MLLT3: variants seen among roughly 807,000 people sequenced by gnomAD.
MLLT3 encodes the protein MLLT3 super elongation complex subunit.
A neutral mutation model predicts 53.2 loss-of-function variants in MLLT3; 4 were observed. The observed-to-expected ratio is 0.08, with a 90% CI of 0.04 to 0.17. The LOEUF (loss-of-function observed/expected upper bound fraction) is 0.17. Ranked by LOEUF, MLLT3 falls within the 10% of genes least tolerant of loss-of-function variation. The pLI is 1.00. For synonymous variants in MLLT3, 283 were observed against 230.6 expected, an observed-to-expected ratio of 1.23 and a Z score of -2.06; for missense variants, 569 against 684.0, an observed-to-expected ratio of 0.83 and a Z score of 1.87.
At chr9:20,411,615 G>A (rs1563955388) in intron 5 of MLLT3, among the ~76,000 whole-genome samples, 1 of 152,124 alleles carries the variant, frequency 6.6e-6, no homozygotes, top group Non-Finnish European at 1.5e-5. Context: ...GCTCTAATAT[G>A]TCATATACCA....
At chr9:20,393,604 T>C (rs1822245552) in intron 5 of MLLT3, among the ~76,000 whole-genome samples, 1 of 152,184 alleles carries the variant, frequency 6.6e-6, no homozygotes, top group Admixed American at 6.5e-5. Context: ...TATGAAAAGG[T>C]CAGTGCCTGA....
At chr9:20,432,642 G>A (rs1311302805) in intron 4 of MLLT3, among the ~76,000 whole-genome samples, 1 of 145,690 alleles carries the variant, frequency 6.9e-6, no homozygotes, top group Non-Finnish European at 1.5e-5. Context: ...CACCAAGGCT[G>A]GAAAAAAAAT....
At chr9:20,469,379 T>C (rs1824316518) in intron 2 of MLLT3, among the ~76,000 whole-genome samples, 1 of 152,218 alleles carries the variant, frequency 6.6e-6, no homozygotes, top group Non-Finnish European at 1.5e-5. Flanking sequence ...TTGAATGTTA[T>C]GATTTTTCTA....
rs910954154 is a variant in MLLT3 at position 20,446,970 on chromosome 9, A to G, written c.420+1153T>C. Among the ~76,000 whole-genome samples the G allele has an allele frequency of 1.1e-4, 16 of 152,196 alleles. 1 individual carries two copies. Among genetic ancestry groups the G allele is most frequent in the African/African-American group, 3.9e-4 (16 of 41,452 alleles). The stretch of plus-strand genomic sequence containing the variant: ...ACATATATATGATAAGGAATGAAAT[A>G]TGGTAAAAGTACTTGCAATGCTTCA... On this transcript the variant is annotated intron_variant, in intron 4 of 10. Coordinates refer to ENST00000380338, the MANE Select transcript of MLLT3 (RefSeq NM_004529.4).
chr9:20,590,538 GTC>G (rs918390616), intron 2 of MLLT3, among the ~76,000 whole-genome samples: 4 of 152,052 alleles, frequency 2.6e-5, no homozygotes, highest in Admixed American at 2.6e-4. Context: ...TTGTCTGTCT[GTC>G]TCTCTCTCTG....
At chr9:20,422,587 CAA>C (rs1413229496) in intron 4 of MLLT3, among the ~76,000 whole-genome samples, 2 of 152,090 alleles carry the variant, frequency 1.3e-5, no homozygotes, top group Non-Finnish European at 2.9e-5. Context: ...CATGAAAGAG[CAA>C]AAGATGATGC....
chr9:20,372,106 T>G (rs1001261144), intron 5 of MLLT3, among the ~76,000 whole-genome samples: 7 of 152,204 alleles, frequency 4.6e-5, no homozygotes, highest in African/African-American at 1.7e-4. Context: ...ACTGAATTTT[T>G]GCAATCTCAT....
chr9:20,423,413 T>A (rs533890822), intron 4 of MLLT3, among the ~76,000 whole-genome samples: 1 of 152,046 alleles, frequency 6.6e-6, no homozygotes, highest in African/African-American at 2.4e-5. Context: ...GTAGAGGGGG[T>A]AAAATATTAT....
chr9:20,471,082 C>T (rs1824379276), intron 2 of MLLT3, among the ~76,000 whole-genome samples: 1 of 151,894 alleles, frequency 6.6e-6, no homozygotes, highest in Admixed American at 6.6e-5. Flanking sequence ...TGCCAGCCAC[C>T]CTTTTTTAAA....
At chr9:20,404,021 A>AAAC (rs1822520716) in intron 5 of MLLT3, among the ~76,000 whole-genome samples, 1 of 152,086 alleles carries the variant, frequency 6.6e-6, no homozygotes, top group Non-Finnish European at 1.5e-5. Flanking sequence ...AGATTTCTCC[A>AAAC]TGTTGCCCAG....
intron 5 of MLLT3, among the ~76,000 whole-genome samples, chr9:20,381,815 G>A (rs1821914921): frequency 6.6e-6 from 1 of 151,652 alleles, no homozygotes; most frequent in African/African-American, 2.4e-5. Flanking sequence ...GACTTTCAAT[G>A]TATGATAAGC....
chr9:20,412,038 C>G (rs567290650), intron 5 of MLLT3: 1 of 152,008 alleles, frequency 6.6e-6, no homozygotes, highest in East Asian at 1.9e-4. Context: ...GCTAGTGATA[C>G]GTTAAATTTA....
In MLLT3 at chr9:20,361,233, T is replaced by A. The variant is rs7847028; in HGVS notation, c.1332-392A>T. Among the ~76,000 whole-genome samples the A allele has an allele frequency of 4.5e-4, 69 of 152,158 alleles. 1 individual carries two copies. In the East Asian group the frequency reaches 0.013, roughly 29 times the overall value. On this transcript the variant is annotated intron_variant, in intron 7 of 10. Transcript: ENST00000380338. ...CTTCTCCTGCTCTCCCTACCTACTA[T>A]GATCAAGCATGCTACTCAAGCTTAC...
intron 5 of MLLT3, among the ~76,000 whole-genome samples, chr9:20,406,875 G>T (rs563725735): frequency 3.9e-5 from 6 of 152,216 alleles, no homozygotes; most frequent in Non-Finnish European, 8.8e-5. Flanking sequence ...ACTTTATCTG[G>T]GAATATATCA....
At chr9:20,453,395 T>C (rs1234600373) in intron 3 of MLLT3, among the ~76,000 whole-genome samples, 5 of 152,042 alleles carry the variant, frequency 3.3e-5, no homozygotes, top group Admixed American at 2.0e-4. Flanking sequence ...ACCCTGTCTC[T>C]ACAAAAATTA....
intron 2 of MLLT3, among the ~76,000 whole-genome samples, chr9:20,561,537 T>G (rs1364431284): frequency 6.6e-6 from 1 of 152,230 alleles, no homozygotes; most frequent in East Asian, 1.9e-4. Flanking sequence ...TGCATTCCAG[T>G]TGACAATCTG....
Position 20,414,771 on chromosome 9 carries a change from C to T in MLLT3, c.421-346G>A, listed in dbSNP as rs538889593. Among the ~76,000 whole-genome samples the T allele has an allele frequency of 8.3e-4, 126 of 152,228 alleles. 2 individuals are homozygous for T. The highest frequency in any genetic ancestry group is 3.4e-3 in the Middle Eastern group (1 of 294). On this transcript the variant is annotated intron_variant, in intron 4 of 10. Transcript: ENST00000380338. ...TGGACCCCACCCTTAATAACTATGACGTATCTATGATTGATAGATGTTGAC... is the reference window on the plus strand; with the variant it reads ...TGGACCCCACCCTTAATAACTATGATGTATCTATGATTGATAGATGTTGAC...
chr9:20,399,819 T>A (rs1822410971), intron 5 of MLLT3, among the ~76,000 whole-genome samples: 1 of 152,172 alleles, frequency 6.6e-6, no homozygotes. Flanking sequence ...CCAAAGTCAT[T>A]CTTTTGAAAA....
Position 20,474,835 on chromosome 9 carries a change from C to T in MLLT3, c.194-18049G>A, listed in dbSNP as rs139330614. Among the ~76,000 whole-genome samples the T allele has an allele frequency of 1.8e-3, 277 of 152,194 alleles. 2 individuals are homozygous for T. Among genetic ancestry groups the T allele is most frequent in the South Asian group, 0.017 (82 of 4,818 alleles). On this transcript the variant is annotated intron_variant, in intron 2 of 10. Transcript: ENST00000380338. ...TTGCAAAAAATATGTTTTAATATATCTATTCCAAATCTCATCAAGACTTGA... is the reference window on the plus strand; with the variant it reads ...TTGCAAAAAATATGTTTTAATATATTTATTCCAAATCTCATCAAGACTTGA...
Sources: gnomAD v4.1 joint callset for allele counts (sites outside exome capture counted in the v4.1 genomes callset) on GRCh38, gnomAD v4.1.1 for gene constraint, MANE v1.5 for transcripts, NCBI Gene and HGNC (gene_info 2026-07-23, HGNC 2026-07-21) for gene names.